The following CERS6 variants were observed in gnomAD, a reference collection of about 807,000 sequenced individuals.
CERS6 encodes the protein ceramide synthase 6.
In CERS6, 26 loss-of-function variants were observed where a neutral mutation model predicts 56.8. That is an observed-to-expected ratio of 0.46 (90% confidence interval 0.34 to 0.63). The LOEUF (loss-of-function observed/expected upper bound fraction) is 0.63. Among genes scored for constraint, CERS6 ranks in the 30% least tolerant of loss-of-function variants. The pLI, the probability that CERS6 is intolerant of heterozygous loss-of-function variation, is 0.01. For missense variants in CERS6, 415 were observed against 467.5 expected, an observed-to-expected ratio of 0.89 and a Z score of 1.04; for synonymous variants, 164 against 173.3, an observed-to-expected ratio of 0.95 and a Z score of 0.42.
chr2:168,581,866 G>T (rs1683420737), intron 3 of CERS6, among the ~76,000 whole-genome samples: 2 of 152,124 alleles, frequency 1.3e-5, no homozygotes, highest in South Asian at 4.1e-4. Flanking sequence ...AGAATCTTGA[G>T]GCCTAGGAAG....
At chr2:168,690,314 G>T (rs914919314) in intron 4 of CERS6, among the ~76,000 whole-genome samples, 3 of 152,142 alleles carry the variant, frequency 2.0e-5, no homozygotes, top group Non-Finnish European at 4.4e-5. Context: ...TTGAAACTAT[G>T]AGAAAGTTTG....
At chr2:168,724,456 T>C (rs1683283759) in intron 8 of CERS6, among the ~76,000 whole-genome samples, 1 of 152,116 alleles carries the variant, frequency 6.6e-6, no homozygotes, top group Admixed American at 6.5e-5. Flanking sequence ...TATTCTCTTA[T>C]CTGGCCCCAC....
intron 3 of CERS6, among the ~76,000 whole-genome samples, chr2:168,598,091 C>T (rs1683845432): frequency 6.6e-6 from 1 of 152,172 alleles, no homozygotes. Flanking sequence ...ATATCTAATA[C>T]AAACAATTAT....
At position 168,521,133 on chromosome 2, in the gene CERS6, T is replaced by C. The variant is rs143276987; in HGVS notation, c.171-26463T>C. ...CCTTCAGAGAATAAATCTGAGCTGA[T>C]AGAATTTGAGACTGACAACGCCGTA... On this transcript the variant is annotated intron_variant, in intron 1 of 9. Transcript: ENST00000305747. Among the ~76,000 whole-genome samples, 364 of 152,300 alleles carry C rather than the reference T, an allele frequency of 2.4e-3. 1 individual carries two copies. The highest frequency in any genetic ancestry group is 9.9e-3 in the Admixed American group (151 of 15,298).
At chr2:168,496,184 C>T (rs1694464582) in intron 1 of CERS6, among the ~76,000 whole-genome samples, 1 of 152,146 alleles carries the variant, frequency 6.6e-6, no homozygotes, top group Admixed American at 6.6e-5. Context: ...AATTAATCTC[C>T]CACTAAAGGA....
intron 3 of CERS6, among the ~76,000 whole-genome samples, chr2:168,630,637 G>A (rs949881410): frequency 6.6e-6 from 1 of 152,060 alleles, no homozygotes; most frequent in African/African-American, 2.4e-5. Flanking sequence ...TGAATTATTT[G>A]TCTGATTCAG....
chr2:168,465,485 T>C (rs556767501), intron 1 of CERS6, among the ~76,000 whole-genome samples: 1 of 152,302 alleles, frequency 6.6e-6, no homozygotes, highest in South Asian at 2.1e-4. Flanking sequence ...CACTTAGTTA[T>C]TAGGTTTCAA....
At position 168,547,671 on chromosome 2, in the gene CERS6, T is replaced by A. The variant is rs906525852; in HGVS notation, c.246T>A (p.Ile82=). The A allele has an allele frequency of 6.2e-7, 1 of 1,613,132 alleles. No homozygotes were observed. The highest frequency in any genetic ancestry group is 8.5e-7 in the Non-Finnish European group (1 of 1,179,040). The part of the protein sequence containing the change: ...NGPQIAPPNA[I]LEKVFTAITK... ...CACAAATTGCTCCGCCCAATGCCAT[T>A]CTGGAAAAGGTCTTCACTGCAATTA... Residue 82 remains isoleucine (I), a synonymous_variant, in exon 2 of 10, where the codon ATT becomes ATA. Transcript: ENST00000305747.
At position 168,738,428 on chromosome 2, in the gene CERS6, C is replaced by G. The variant is rs141259600; in HGVS notation, c.845+20450C>G. 3.9e-5 allele frequency among the ~76,000 whole-genome samples: 6 copies of G among 152,322 alleles called. No individual in the cohort carries two copies. In the East Asian group the frequency reaches 1.2e-3, roughly 29 times the overall value. ...GTCACTTTATGTTTCTGGTATGCATCTGAATTATTCTTGTTATATAATGAC... is the reference window on the plus strand; with the variant it reads ...GTCACTTTATGTTTCTGGTATGCATGTGAATTATTCTTGTTATATAATGAC... On this transcript the variant is annotated intron_variant, in intron 8 of 9. Coordinates refer to ENST00000305747, the MANE Select transcript of CERS6 (RefSeq NM_203463.3).
At chr2:168,711,684 A>C (rs1687093949) in intron 6 of CERS6, among the ~76,000 whole-genome samples, 1 of 148,260 alleles carries the variant, frequency 6.7e-6, no homozygotes, top group South Asian at 2.1e-4. Context: ...CAGTGAGCTG[A>C]GATCCCACCA....
intron 3 of CERS6, among the ~76,000 whole-genome samples, chr2:168,622,706 A>G (rs1429418208): frequency 1.3e-5 from 2 of 152,216 alleles, no homozygotes; most frequent in Non-Finnish European, 2.9e-5. Context: ...TTTCAAACAG[A>G]AAGAGCTGAG....
At chr2:168,733,196 G>T (rs1683601581) in intron 8 of CERS6, among the ~76,000 whole-genome samples, 1 of 152,142 alleles carries the variant, frequency 6.6e-6, no homozygotes, top group Non-Finnish European at 1.5e-5. Flanking sequence ...CAGCTTCATT[G>T]CATTTACGTG....
At chr2:168,661,818 A>G (rs535643813) in intron 4 of CERS6, among the ~76,000 whole-genome samples, 1 of 152,242 alleles carries the variant, frequency 6.6e-6, no homozygotes, top group Non-Finnish European at 1.5e-5. Context: ...ATGCAGTGCA[A>G]ATGTCTGCAA....
chr2:168,729,962 G>A (rs1683473968), intron 8 of CERS6, among the ~76,000 whole-genome samples: 1 of 152,202 alleles, frequency 6.6e-6, no homozygotes, highest in Admixed American at 6.5e-5. Context: ...ATGTGCCCAG[G>A]AACAGCTAGC....
intron 8 of CERS6, among the ~76,000 whole-genome samples, chr2:168,755,539 C>T (rs930214924): frequency 2.0e-5 from 3 of 152,166 alleles, no homozygotes; most frequent in Non-Finnish European, 4.4e-5. Context: ...CATGCCCCCA[C>T]CCCACTGCAG....
intron 3 of CERS6, among the ~76,000 whole-genome samples, chr2:168,615,860 A>G (rs1234607332): frequency 6.6e-6 from 1 of 152,180 alleles, no homozygotes; most frequent in Admixed American, 6.5e-5. Flanking sequence ...AATACAAGAC[A>G]CACAAAGAAC....
rs181886514 is a variant in CERS6 at position 168,763,727 on chromosome 2, T to G, written c.846-1865T>G. 2.2e-3 allele frequency among the ~76,000 whole-genome samples: 341 copies of G among 152,334 alleles called. 1 individual carries two copies. Among genetic ancestry groups the G allele is most frequent in the South Asian group, 5.0e-3 (24 of 4,830 alleles). On this transcript the variant is annotated intron_variant, in intron 8 of 9. Coordinates refer to ENST00000305747, the MANE Select transcript of CERS6 (RefSeq NM_203463.3). ...CCTTCCCTTTAGCCAGTAAGTGTTA[T>G]CCACCTAGCCTCTCCTGTAGAATCA... is the stretch of plus-strand genomic sequence containing the variant.
At chr2:168,768,433 A>G (rs977492492) in intron 9 of CERS6, among the ~76,000 whole-genome samples, 4 of 149,650 alleles carry the variant, frequency 2.7e-5, no homozygotes, top group African/African-American at 4.9e-5. Flanking sequence ...GGGCTTCTCC[A>G]TGTTGGTCAG....
At chr2:168,695,695 C>T (rs188578310) in intron 6 of CERS6, among the ~76,000 whole-genome samples, 16 of 152,288 alleles carry the variant, frequency 1.1e-4, no homozygotes, top group Admixed American at 5.2e-4. Flanking sequence ...CTTAATGCCC[C>T]ATGCTCTACA....
Sources: gnomAD v4.1 joint callset for allele counts (sites outside exome capture counted in the v4.1 genomes callset) on GRCh38, gnomAD v4.1.1 for gene constraint, MANE v1.5 for transcripts, NCBI Gene and HGNC (gene_info 2026-07-23, HGNC 2026-07-21) for gene names.